HPSE2: variants seen among roughly 807,000 people sequenced by gnomAD.
The protein encoded by HPSE2 is heparanase 2 (inactive).
HPSE2 carries 38 observed loss-of-function variants against 60.5 expected under a neutral mutation model. The observed-to-expected ratio is 0.63, with a 90% confidence interval of 0.48 to 0.82. HPSE2 has a LOEUF of 0.82. Among genes scored for constraint, HPSE2 ranks in the 40% least tolerant of loss-of-function variants. The pLI is 0.00. For synonymous variants in HPSE2, 295 were observed against 293.2 expected, an observed-to-expected ratio of 1.01 and a Z score of -0.06; for missense variants, 713 against 740.4, an observed-to-expected ratio of 0.96 and a Z score of 0.43.
chr10:98,543,920 CA>C (rs1322668904), intron 9 of HPSE2, among the ~76,000 whole-genome samples: 3 of 151,288 alleles, frequency 2.0e-5, no homozygotes, highest in Admixed American at 1.3e-4. Flanking sequence ...GACAGATCAA[CA>C]AAGACAGAAA....
In HPSE2 at chr10:98,833,477, G is replaced by A. The variant is rs571691555; in HGVS notation, c.611-89421C>T. On this transcript the variant is annotated intron_variant, in intron 3 of 11. Transcript: ENST00000370552. ...TGTTTTAAAACATTACTATCAAAAT[G>A]ATATTGTTATTAATAGGTAACATTC... is the stretch of plus-strand genomic sequence containing the variant. Among the ~76,000 whole-genome samples, 10 of 152,228 alleles carry A rather than the reference G, an allele frequency of 6.6e-5. No individual in the cohort carries two copies. The South Asian group carries it at 2.1e-3, about 32-fold the overall frequency.
intron 3 of HPSE2, among the ~76,000 whole-genome samples, chr10:98,958,618 TTCTTTA>T (rs1357369165): frequency 1.1e-4 from 16 of 152,212 alleles, no homozygotes; most frequent in African/African-American, 3.6e-4. Flanking sequence ...AAACTATAGA[TTCTTTA>T]ACTAAAGATT....
chr10:99,230,150 G>A (rs572274096), intron 2 of HPSE2, among the ~76,000 whole-genome samples: 2 of 152,286 alleles, frequency 1.3e-5, no homozygotes, highest in South Asian at 4.1e-4. Flanking sequence ...AAACAGATTA[G>A]TGTCTGGAAG....
chr10:99,031,980 C>T (rs1957508210), intron 3 of HPSE2, among the ~76,000 whole-genome samples: 1 of 152,206 alleles, frequency 6.6e-6, no homozygotes, highest in Non-Finnish European at 1.5e-5. Context: ...GAAATCCCAA[C>T]ATTCACAAAA....
chr10:98,575,018 C>T (rs1944603435), intron 9 of HPSE2, among the ~76,000 whole-genome samples: 1 of 152,020 alleles, frequency 6.6e-6, no homozygotes, highest in South Asian at 2.1e-4. Context: ...TTACCATTTC[C>T]TGGGAAAGCA....
chr10:98,495,335 T>C (rs759963027), intron 9 of HPSE2, among the ~76,000 whole-genome samples: 26 of 152,340 alleles, frequency 1.7e-4, no homozygotes, highest in Non-Finnish European at 3.7e-4. Flanking sequence ...CTTTAAAATC[T>C]GATTAAAAGT....
At chr10:99,040,815 A>G (rs1023285338) in intron 3 of HPSE2, among the ~76,000 whole-genome samples, 1 of 152,210 alleles carries the variant, frequency 6.6e-6, no homozygotes, top group Non-Finnish European at 1.5e-5. Context: ...AGCCAGGTGC[A>G]GTGGCTCACG....
At chr10:98,810,874 G>A (rs1267661186) in intron 3 of HPSE2, among the ~76,000 whole-genome samples, 8 of 152,072 alleles carry the variant, frequency 5.3e-5, no homozygotes, top group Non-Finnish European at 8.8e-5. Context: ...TGCAGCCCGT[G>A]GGCCATGGTT....
At chr10:98,476,663 G>A (rs1941035446) in intron 11 of HPSE2, among the ~76,000 whole-genome samples, 1 of 151,888 alleles carries the variant, frequency 6.6e-6, no homozygotes, top group Admixed American at 6.6e-5. Flanking sequence ...GGTGGTGCAT[G>A]CCTGTAGTCC....
chr10:98,705,210 A>G (rs996664425), intron 5 of HPSE2, among the ~76,000 whole-genome samples: 3 of 152,248 alleles, frequency 2.0e-5, no homozygotes, highest in African/African-American at 7.2e-5. Flanking sequence ...ATGAGATACC[A>G]TCTCACATCA....
intron 3 of HPSE2, among the ~76,000 whole-genome samples, chr10:98,884,262 C>A (rs1953104649): frequency 6.6e-6 from 1 of 152,072 alleles, no homozygotes; most frequent in Non-Finnish European, 1.5e-5. Flanking sequence ...CATAAAAGTA[C>A]CAGATTAAGC....
chr10:99,151,809 A>G (rs1372651241), intron 2 of HPSE2, among the ~76,000 whole-genome samples: 1 of 152,188 alleles, frequency 6.6e-6, no homozygotes, highest in Non-Finnish European at 1.5e-5. Flanking sequence ...CCAGCTATTC[A>G]GGAAGCTGAA....
At chr10:98,491,449 G>C (rs891522078) in intron 9 of HPSE2, among the ~76,000 whole-genome samples, 1 of 152,098 alleles carries the variant, frequency 6.6e-6, no homozygotes, top group Non-Finnish European at 1.5e-5. Context: ...CAATTATATA[G>C]ATGGAAAAAG....
intron 3 of HPSE2, among the ~76,000 whole-genome samples, chr10:99,035,696 G>A (rs1957594543): frequency 6.6e-6 from 1 of 152,200 alleles, no homozygotes; most frequent in Non-Finnish European, 1.5e-5. Flanking sequence ...AATGCACTGT[G>A]CTACAATGTT....
In HPSE2 at chr10:98,698,751, A is replaced by G. The variant is rs527309038; in HGVS notation, c.957-4804T>C. ...AAACTGATAGACTGCTAGCAAGACT[A>G]ATAAAGAAGAAAAGAGAGAAGAATC... On this transcript the variant is annotated intron_variant, in intron 5 of 11. Transcript: ENST00000370552. 6.1e-3 allele frequency among the ~76,000 whole-genome samples: 924 copies of G among 152,336 alleles called. 5 individuals are homozygous for G. Among genetic ancestry groups the G allele is most frequent in the African/African-American group, 0.021 (871 of 41,580 alleles).
chr10:98,975,207 T>C (rs539641740), intron 3 of HPSE2, among the ~76,000 whole-genome samples: 54 of 152,256 alleles, frequency 3.5e-4, no homozygotes, highest in African/African-American at 1.2e-3. Context: ...CCTGAGATTA[T>C]AATGTTGAAA....
intron 5 of HPSE2, among the ~76,000 whole-genome samples, chr10:98,720,815 T>C (rs1194988915): frequency 6.6e-6 from 1 of 152,102 alleles, no homozygotes; most frequent in Non-Finnish European, 1.5e-5. Context: ...GAGAACTATG[T>C]AGAAATAAGG....
intron 3 of HPSE2, among the ~76,000 whole-genome samples, chr10:98,778,390 G>A (rs1319931721): frequency 6.6e-6 from 1 of 151,986 alleles, no homozygotes; most frequent in Non-Finnish European, 1.5e-5. Context: ...GGTGGGTTTA[G>A]AGCAAGAAGG....
chr10:98,813,214 T>C (rs1951208516), intron 3 of HPSE2, among the ~76,000 whole-genome samples: 1 of 152,206 alleles, frequency 6.6e-6, no homozygotes, highest in African/African-American at 2.4e-5. Flanking sequence ...ATATGAATTA[T>C]CACTCATAGC....
Sources: allele counts gnomAD v4.1 joint callset (sites outside exome capture counted in the v4.1 genomes callset), GRCh38; gene constraint gnomAD v4.1.1; transcripts MANE v1.5; gene names NCBI Gene and HGNC (gene_info 2026-07-23, HGNC 2026-07-21).